Variants in TMC5 observed in about 807,000 individuals in gnomAD.
The protein encoded by TMC5 is transmembrane channel like 5.
Under a neutral mutation model 110.5 loss-of-function variants are expected in TMC5, and 86 were observed. The ratio of observed to expected loss-of-function variants is 0.78; its 90% CI spans 0.65 to 0.93. TMC5 has a LOEUF of 0.93. Among genes scored for constraint, TMC5 ranks in the 40% least tolerant of loss-of-function variants. The pLI is 0.00. For synonymous variants in TMC5, 455 were observed against 439.5 expected (o/e 1.04, Z -0.44); for missense variants, 1,144 against 1,222.8 (o/e 0.94, Z 0.96).
chr16:19,474,138 A>T lies in TMC5; in HGVS notation c.1952A>T (p.His651Leu). The change falls in exon 12 of 22, where the codon CAC becomes CTC. Residue 651 changes from histidine to leucine, a missense_variant. Coordinates refer to ENST00000542583, the MANE Select transcript of TMC5 (RefSeq NM_001261841.2). The stretch of plus-strand genomic sequence containing the variant: ...CATCCCCTGCAGTTCCTGAAGACAC[A>T]CAGTAACCCTGGGGCGGTGCTGTTA... ...AEYNLEFLKT[H>L]SNPGAVLLLP... 1 of 1,613,758 alleles carries T rather than the reference A, an allele frequency of 6.2e-7. No homozygotes were observed.
chr16:19,448,318 A>G (rs958856004), intron 4 of TMC5, among the ~76,000 whole-genome samples: 14 of 151,888 alleles, frequency 9.2e-5, no homozygotes, highest in East Asian at 1.9e-4. Flanking sequence ...ACACACACAC[A>G]CACACACACT....
Position 19,474,150 on chromosome 16 carries a change from G to A in TMC5, c.1964G>A (p.Gly655Glu). Residue 655 changes from glycine to glutamate, a missense_variant, in exon 12 of 22, where the codon GGG becomes GAG. By Grantham distance (98) the Gly-to-Glu change is moderately conservative. Coordinates refer to ENST00000542583, the MANE Select transcript of TMC5 (RefSeq NM_001261841.2). ...LEFLKTHSNP[G>E]AVLLLPFVVS... ...TTCCTGAAGACACACAGTAACCCTG[G>A]GGCGGTGCTGTTACTGCCTTTCGTT... The A allele has an allele frequency of 3.1e-6, 5 of 1,613,910 alleles. No homozygotes were observed. Among genetic ancestry groups the A allele is most frequent in the Non-Finnish European group, 4.2e-6 (5 of 1,179,994 alleles).
rs113716731 is a variant in TMC5, at chr16:19,490,557, C to T, written c.2736C>T (p.Thr912=). The T allele has an allele frequency of 3.5e-5, 57 of 1,614,020 alleles. No homozygotes were observed. The highest frequency in any genetic ancestry group is 2.8e-4 in the African/African-American group (21 of 75,002). Residue 912 remains threonine, a synonymous_variant, in exon 18 of 22, where the codon ACC becomes ACT. Coordinates refer to ENST00000542583, the MANE Select transcript of TMC5 (RefSeq NM_001261841.2). ...GTGTGCACTTCTTTTTCATCCTCAC[C>T]CTCATTGTGCTGTGAGTGTGGTACC... is the stretch of plus-strand genomic sequence containing the variant. The part of the protein sequence containing the change: ...IGSVHFFFIL[T]LIVLIITYLY...
intron 2 of TMC5, among the ~76,000 whole-genome samples, chr16:19,434,200 CTATA>C (rs1378107883): frequency 9.6e-6 from 1 of 104,678 alleles, no homozygotes. Context: ...ATATATATAT[CTATA>C]TATCTATAGT....
Position 19,440,113 on chromosome 16 carries a change from T to TACG in TMC5, c.76_78dup (p.Thr26dup), listed in dbSNP as rs1393673728. 7 of 1,613,986 alleles carry TACG rather than the reference T, an allele frequency of 4.3e-6. No individual in the cohort carries two copies. The highest frequency in any genetic ancestry group is 5.1e-6 in the Non-Finnish European group (6 of 1,180,014). On this transcript the variant is annotated inframe_insertion, in exon 3 of 22. Transcript: ENST00000542583. ...CTGACTATTCAGGGTCTCAGAACCG[T>TACG]ACGCAGGGGTATTTGAAAACTCAAG...
chr16:19,419,982 G>T (rs1396472714), intron 1 of TMC5, among the ~76,000 whole-genome samples: 1 of 152,134 alleles, frequency 6.6e-6, no homozygotes, highest in Non-Finnish European at 1.5e-5. Flanking sequence ...TTCTGCGAAG[G>T]CATTCATAGG....
rs754280038 is a variant in TMC5 at position 19,487,280 on chromosome 16, CCATCCTT to C, written c.2530_2536del (p.Ser844ProfsTer14). ...TTTCTTCATCTTCTTGCTCTTTTTC[CCATCCTT>C]CACCGGGGTCTTGTGCACCCTGGCC... On this transcript the variant is annotated frameshift_variant, in exon 17 of 22. Coordinates refer to ENST00000542583, the MANE Select transcript of TMC5 (RefSeq NM_001261841.2). LOFTEE classifies it high-confidence loss of function. 6.2e-6 allele frequency: 10 copies of C among 1,614,046 alleles called. No individual in the cohort carries two copies. The highest frequency in any genetic ancestry group is 1.6e-4 in the Middle Eastern group (1 of 6,082).
chr16:19,477,254 TAAA>T (rs370134303), intron 12 of TMC5, among the ~76,000 whole-genome samples, 183 bp from the exon 13 acceptor site: 1 of 145,086 alleles, frequency 6.9e-6, no homozygotes, highest in African/African-American at 2.5e-5. Flanking sequence ...TCTCAAAAAA[TAAA>T]AAAAAAAGAA....
upstream of TMC5, among the ~76,000 whole-genome samples, chr16:19,414,737 C>A (rs578236408): frequency 6.7e-6 from 1 of 148,770 alleles, no homozygotes; most frequent in Non-Finnish European, 1.5e-5. Flanking sequence ...GGAGACCACC[C>A]CCCGATCTCG....
intron 13 of TMC5, among the ~76,000 whole-genome samples, chr16:19,477,942 C>T (rs1394094429): frequency 6.6e-6 from 1 of 152,176 alleles, no homozygotes; most frequent in Admixed American, 6.5e-5. Flanking sequence ...TTCCTGTAAC[C>T]TAGATACCCT....
rs1302445018 is a variant in TMC5, at chr16:19,495,038, G to A, written c.2931+672G>A. Among the ~76,000 whole-genome samples the A allele has an allele frequency of 2.9e-4, 14 of 47,624 alleles. 1 individual carries two copies. The highest frequency in any genetic ancestry group is 8.8e-4 in the African/African-American group (13 of 14,750). 31.2% of individuals were successfully genotyped at this position (47,624 alleles called of 152,430 possible). On this transcript the variant is annotated intron_variant, in intron 20 of 21. Transcript: ENST00000542583. ...TTTTTTTTTTTTTTTTTTTTGAGAC[G>A]GAGTCTCGCTCTGTCGCCCAGGCTG...
At chr16:19,412,852 A>C (rs969685656) in intron 1 of TMC5, among the ~76,000 whole-genome samples, 12 of 152,012 alleles carry the variant, frequency 7.9e-5, no homozygotes, top group Admixed American at 4.6e-4. Flanking sequence ...CTATTTATTT[A>C]TTTAGTTTTA....
chr16:19,422,531 TCAAAACATTGTAAG>T (rs1388307512), intron 1 of TMC5, among the ~76,000 whole-genome samples: 1 of 152,172 alleles, frequency 6.6e-6, no homozygotes, highest in Non-Finnish European at 1.5e-5. Flanking sequence ...TTTTTTATTT[TCAAAACATTGTAAG>T]CAGCTGGGTA....
chr16:19,463,420 G>T (rs1597193189), intron 7 of TMC5, 53 bp downstream of exon 7: 3 of 1,411,866 alleles, frequency 2.1e-6, no homozygotes. Flanking sequence ...AGGGAGGAGA[G>T]TGAGGATGAA....
At chr16:19,434,967 C>T (rs12598563) in intron 2 of TMC5, among the ~76,000 whole-genome samples, 129,350 of 152,110 alleles carry the variant, frequency 0.85, 55,193 homozygotes, top group South Asian at 0.92. Context: ...TTTCATTTCA[C>T]AGCATCACAT....
intron 2 of TMC5, among the ~76,000 whole-genome samples, chr16:19,434,390 GATATAAT>G (rs199691023): frequency 0.48 from 54,966 of 115,072 alleles, 17,157 homozygotes; most frequent in East Asian, 0.7. Flanking sequence ...ATATAATATA[GATATAAT>G]ATATATATCA....
chr16:19,443,994 T>TG lies in TMC5; in HGVS notation c.789-86dup, dbSNP rs1429675067. ...ATAAATAAATGGATGAATACATGAT[T>TG]GAATGGATGGATGGATGGATGGATG... On this transcript the variant is annotated intron_variant, in intron 3 of 21. Transcript: ENST00000542583. The TG allele has an allele frequency of 1.5e-5, 19 of 1,239,622 alleles. No individual in the cohort carries two copies. In the African/African-American group the frequency reaches 2.5e-4, roughly 16 times the overall value. The allele number at this position is 1,239,622 out of a possible 1,614,324, so 76.8% of individuals were successfully genotyped here.
At chr16:19,479,972 GAAAGA>G (rs1968578098) in intron 14 of TMC5, among the ~76,000 whole-genome samples, 1 of 149,992 alleles carries the variant, frequency 6.7e-6, no homozygotes, top group Non-Finnish European at 1.5e-5. Context: ...AAAAGGCAAA[GAAAGA>G]AAAGAAGAAA....
chr16:19,474,738 GC>G (rs1968443866), intron 12 of TMC5: 1 of 162,092 alleles, frequency 6.2e-6, no homozygotes, highest in Admixed American at 6.2e-5. Flanking sequence ...TGGCTTGATT[GC>G]TTTCCTAATT....
Sources: gnomAD v4.1 joint callset for allele counts (sites outside exome capture counted in the v4.1 genomes callset) on GRCh38, gnomAD v4.1.1 for gene constraint, MANE v1.5 for transcripts, NCBI Gene and HGNC (gene_info 2026-07-23, HGNC 2026-07-21) for gene names.